MRPL42: variants seen among roughly 807,000 people sequenced by gnomAD.
MRPL42 encodes large ribosomal subunit protein mL42.
Under a neutral mutation model 17.9 loss-of-function variants are expected in MRPL42, and 17 were observed. The ratio of observed to expected loss-of-function variants is 0.95; its 90% CI spans 0.65 to 1.42. MRPL42 has a LOEUF of 1.42. MRPL42 is among the 40% of genes most tolerant of loss of function. The probability of loss-of-function intolerance (pLI) is 0.00; values close to 1 mark genes in which losing one functional copy is unlikely to be tolerated. For synonymous variants in MRPL42, 59 were observed against 54.4 expected (o/e 1.08, Z -0.37); for missense variants, 177 against 175.2 (o/e 1.01, Z -0.06).
intron 4 of MRPL42, among the ~76,000 whole-genome samples, chr12:93,482,709 A>G (rs954215298): frequency 6.6e-6 from 1 of 152,074 alleles, no homozygotes; most frequent in African/African-American, 2.4e-5. Context: ...CTTTAGCCTC[A>G]TGAGTAGCTT....
intron 4 of MRPL42, 65 bp downstream of exon 4, chr12:93,479,537 G>A: frequency 9.7e-7 from 1 of 1,029,842 alleles, no homozygotes; most frequent in Non-Finnish European, 1.4e-6. Context: ...CTTCTTTATA[G>A]TATCCAAAAA....
intron 5 of MRPL42, among the ~76,000 whole-genome samples, chr12:93,497,903 C>T (rs1382373638): frequency 6.7e-6 from 1 of 149,220 alleles, no homozygotes; most frequent in East Asian, 2.0e-4. Context: ...CCTGCATTAC[C>T]TCTCTGCTCT....
rs1466166955 is a variant in MRPL42, at chr12:93,510,200, A to G, written c.*8979A>G. 6.6e-6 allele frequency: 1 copy of G among 152,222 alleles called. No individual in the cohort carries two copies. The highest frequency in any genetic ancestry group is 2.4e-5 in the African/African-American group (1 of 41,442). 9.4% of individuals were successfully genotyped at this position (152,222 alleles called of 1,614,324 possible). On this transcript the variant is annotated 3_prime_UTR_variant, in exon 6 of 6. Transcript: ENST00000549982. ...ATATAGTTGGAATCATAAAGTATAT[A>G]TAGCCTTTTCACATTGGTTTCTTTC...
intron 4 of MRPL42, among the ~76,000 whole-genome samples, chr12:93,480,030 A>G (rs1311629773): frequency 6.6e-6 from 1 of 151,650 alleles, no homozygotes; most frequent in Non-Finnish European, 1.5e-5. Context: ...TTTTTAATAT[A>G]ATTTATTTTT....
rs1953694757 is a variant in MRPL42, at chr12:93,508,572, G to A, written c.*7351G>A. ...ATGCTACCTATTAAAAGGAGAAGCA[G>A]CAAATACTATGGCCATTCTCTTCAC... On this transcript the variant is annotated 3_prime_UTR_variant, in exon 6 of 6. Coordinates refer to ENST00000549982, the MANE Select transcript of MRPL42 (RefSeq NM_014050.4). 1 of 152,228 alleles carries A rather than the reference G, an allele frequency of 6.6e-6. No homozygotes were observed. The highest frequency in any genetic ancestry group is 2.4e-5 in the African/African-American group (1 of 41,466). 9.4% of individuals were successfully genotyped at this position (152,228 alleles called of 1,614,324 possible).
At chr12:93,473,324 A>G (rs1024536801) in intron 2 of MRPL42, among the ~76,000 whole-genome samples, 4 of 150,846 alleles carry the variant, frequency 2.7e-5, no homozygotes, top group African/African-American at 9.8e-5. Context: ...GCAGTGGTGC[A>G]GTCTTGGCCC....
In MRPL42 at chr12:93,509,598, T is replaced by C. The variant is rs1489752919; in HGVS notation, c.*8377T>C. ...TAGTGAGCTATGTCAATCAGGTGTTTGCACTAAGTTCAGCATAAATGTAGT... is the reference window on the plus strand; with the variant it reads ...TAGTGAGCTATGTCAATCAGGTGTTCGCACTAAGTTCAGCATAAATGTAGT... On this transcript the variant is annotated 3_prime_UTR_variant, in exon 6 of 6. Transcript: ENST00000549982. The C allele has an allele frequency of 6.6e-6, 1 of 152,066 alleles. No homozygotes were observed. Among genetic ancestry groups the C allele is most frequent in the Non-Finnish European group, 1.5e-5 (1 of 68,020 alleles). The allele number at this position is 152,066 out of a possible 1,614,324, so 9.4% of individuals were successfully genotyped here. A position where few individuals can be genotyped will look rare whatever the true frequency, so the allele number is the denominator to read the frequency against.
intron 5 of MRPL42, among the ~76,000 whole-genome samples, chr12:93,492,398 T>C (rs994511634): frequency 5.3e-5 from 8 of 152,226 alleles, no homozygotes; most frequent in Admixed American, 4.6e-4. Flanking sequence ...TTTTTTCATA[T>C]GTTTGTTGGC....
chr12:93,470,612 C>T, intron 2 of MRPL42: 2 of 1,156,070 alleles, frequency 1.7e-6, no homozygotes, highest in Non-Finnish European at 2.2e-6. Flanking sequence ...ACTCTTCCCT[C>T]CATCCCTCCA....
chr12:93,479,572 G>C lies in MRPL42; in HGVS notation c.219+100G>C, dbSNP rs190036253. On this transcript the variant is annotated intron_variant, in intron 4 of 5. Coordinates refer to ENST00000549982, the MANE Select transcript of MRPL42 (RefSeq NM_014050.4). ...AGAAGGGAGTCATCTGATTTTCTTT[G>C]TTTTAGATTTTCTTTTGGCTTTTTA... The C allele has an allele frequency of 9.9e-6, 6 of 607,450 alleles. No homozygotes were observed. In the East Asian group the frequency reaches 1.9e-4, roughly 20 times the overall value. The allele number at this position is 607,450 out of a possible 1,614,324, so 37.6% of individuals were successfully genotyped here. A position where few individuals can be genotyped will look rare whatever the true frequency, so the allele number is the denominator to read the frequency against.
At chr12:93,468,015 G>A (rs777375759) in intron 1 of MRPL42, among the ~76,000 whole-genome samples, 139 of 152,272 alleles carry the variant, frequency 9.1e-4, no homozygotes, top group Non-Finnish European at 1.7e-3. Flanking sequence ...TGTTTTATTC[G>A]TGGTCAGAAG....
Position 93,504,997 on chromosome 12 carries a change from A to G in MRPL42, c.*3776A>G, listed in dbSNP as rs1953653315. 1 of 152,230 alleles carries G rather than the reference A, an allele frequency of 6.6e-6. No homozygotes were observed. The highest frequency in any genetic ancestry group is 1.5e-5 in the Non-Finnish European group (1 of 68,048). The allele number at this position is 152,230 out of a possible 1,614,324, so 9.4% of individuals were successfully genotyped here. ...ACATTGCTCTAGTGCACAGGATTTT[A>G]AGCTAAGGATTTCATGAATGGGATT... On this transcript the variant is annotated 3_prime_UTR_variant, in exon 6 of 6. Transcript: ENST00000549982.
intron 5 of MRPL42, among the ~76,000 whole-genome samples, chr12:93,497,589 A>G (rs1592787256): frequency 6.6e-6 from 1 of 152,190 alleles, no homozygotes; most frequent in Non-Finnish European, 1.5e-5. Context: ...CTCCAAAATA[A>G]TAAGAGCCAT....
chr12:93,482,611 G>T (rs1251475650), intron 4 of MRPL42, among the ~76,000 whole-genome samples: 1 of 152,148 alleles, frequency 6.6e-6, no homozygotes, highest in African/African-American at 2.4e-5. Context: ...GCAATAAATT[G>T]TAGATTGGGC....
intron 5 of MRPL42, among the ~76,000 whole-genome samples, chr12:93,497,798 C>T (rs1312599000): frequency 6.6e-6 from 1 of 151,632 alleles, no homozygotes; most frequent in Non-Finnish European, 1.5e-5. Context: ...AATCTCTCTT[C>T]ACTGGTTCTT....
chr12:93,494,711 C>T (rs12296382), intron 5 of MRPL42, among the ~76,000 whole-genome samples: 6,143 of 152,184 alleles, frequency 0.04, 203 homozygotes, highest in Admixed American at 0.076. Context: ...TATTTAATGC[C>T]ATGGGACTGG....
chr12:93,490,900 T>A (rs901604695), intron 5 of MRPL42, among the ~76,000 whole-genome samples: 6 of 152,228 alleles, frequency 3.9e-5, no homozygotes, highest in African/African-American at 1.2e-4. Flanking sequence ...TTTTATTTTT[T>A]ATTTTTCTGA....
intron 5 of MRPL42, chr12:93,487,960 C>T (rs1328610051): frequency 8.3e-6 from 2 of 239,992 alleles, no homozygotes; most frequent in Non-Finnish European, 1.5e-5. Context: ...CCACACCTGG[C>T]TAATTTTGTT....
Position 93,502,517 on chromosome 12 carries a change from G to A in MRPL42, c.*1296G>A, listed in dbSNP as rs1428284508. The A allele has an allele frequency of 2.0e-5, 3 of 152,164 alleles. No homozygotes were observed. The highest frequency in any genetic ancestry group is 7.2e-5 in the African/African-American group (3 of 41,442). The allele number at this position is 152,164 out of a possible 1,614,324, so 9.4% of individuals were successfully genotyped here. On this transcript the variant is annotated 3_prime_UTR_variant, in exon 6 of 6. Coordinates refer to ENST00000549982, the MANE Select transcript of MRPL42 (RefSeq NM_014050.4). ...CTAGAAGTTTCAAGTGGCCAGTGAA[G>A]TGTGAGGAATAGAGAGTAAAGGAAA...
Sources: allele counts gnomAD v4.1 joint callset (sites outside exome capture counted in the v4.1 genomes callset), GRCh38; gene constraint gnomAD v4.1.1; transcripts MANE v1.5; gene names NCBI Gene and HGNC (gene_info 2026-07-23, HGNC 2026-07-21).